ZBED4: variants seen among roughly 807,000 people sequenced by gnomAD.
ZBED4 encodes zinc finger BED domain-containing protein 4.
In ZBED4, 4 loss-of-function variants were observed where a neutral mutation model predicts 15.5. The ratio of observed to expected loss-of-function variants is 0.26; its 90% CI spans 0.13 to 0.59. ZBED4 has a LOEUF of 0.59. Among genes scored for constraint, ZBED4 ranks in the 20% least tolerant of loss-of-function variants. The pLI, the probability that ZBED4 is intolerant of heterozygous loss-of-function variation, is 0.90. For missense variants in ZBED4, 1,323 were observed against 1,461.8 expected (o/e 0.91, Z 1.55); for synonymous variants, 692 against 608.5 (o/e 1.14, Z -2.02).
At chr22:49,863,175 TTTGGTTGGTTGG>T (rs528529137) in intron 1 of ZBED4, among the ~76,000 whole-genome samples, 8 of 151,932 alleles carry the variant, frequency 5.3e-5, no homozygotes, top group African/African-American at 1.9e-4. Context: ...GTAGATTGTG[TTTGGTTGGTTGG>T]TTGGTTGGTT....
In ZBED4 at chr22:49,888,315, C is replaced by A. The variant is rs2060450935; in HGVS notation, c.*1137C>A. 1 of 166,764 alleles carries A rather than the reference C, an allele frequency of 6.0e-6. No homozygotes were observed. Among genetic ancestry groups the A allele is most frequent in the South Asian group, 2.1e-4 (1 of 4,828 alleles). The allele number at this position is 166,764 out of a possible 1,614,324, so 10.3% of individuals were successfully genotyped here. ...AGACTAATCACTCATTTGCCTACGA[C>A]CTTTTAGAAAAGTTGTTTTGTTGAA... On this transcript the variant is annotated 3_prime_UTR_variant, in exon 2 of 2. Coordinates refer to ENST00000216268, the MANE Select transcript of ZBED4 (RefSeq NM_014838.3).
chr22:49,889,967 G>C lies in ZBED4; in HGVS notation c.*2789G>C. The C allele has an allele frequency of 6.0e-6, 1 of 167,152 alleles. No individual in the cohort carries two copies. Among genetic ancestry groups the C allele is most frequent in the East Asian group, 1.9e-4 (1 of 5,192 alleles). The allele number at this position is 167,152 out of a possible 1,614,324, so 10.4% of individuals were successfully genotyped here. On this transcript the variant is annotated 3_prime_UTR_variant, in exon 2 of 2. Coordinates refer to ENST00000216268, the MANE Select transcript of ZBED4 (RefSeq NM_014838.3). Reference sequence around the variant, plus strand: ...AGCTCTTTGTATGAGCCTCAGAACTGTCTCTTCAGTGAATGAAATTACCAG... The same window carrying C: ...AGCTCTTTGTATGAGCCTCAGAACTCTCTCTTCAGTGAATGAAATTACCAG...
rs192144393 is a variant in ZBED4, at chr22:49,860,708, T to C, written c.-330+6719T>C. 4.4e-4 allele frequency among the ~76,000 whole-genome samples: 67 copies of C among 152,268 alleles called. No individual in the cohort carries two copies. In the East Asian group the frequency reaches 0.013, roughly 29 times the overall value. On this transcript the variant is annotated intron_variant, in intron 1 of 1. Transcript: ENST00000216268. ...TTTTTTACAAATTTTATGTACAAAA[T>C]AATTACCTGTTATAAAGGTCAGAAC...
chr22:49,887,083 A>T lies in ZBED4; in HGVS notation c.3421A>T (p.Asn1141Tyr). The change falls in exon 2 of 2, where the codon AAC becomes TAC. Residue 1141 changes from asparagine to tyrosine, a missense_variant. Asn to Tyr is a moderately radical substitution (Grantham distance 143). Coordinates refer to ENST00000216268, the MANE Select transcript of ZBED4 (RefSeq NM_014838.3). ...AAAGCTGTTCAACACACCCACTGAG[A>T]ACGGTAGCCTTGGCCAATCCAGGCT... ...SEKLFNTPTE[N>Y]GSLGQSRLMM... 1.9e-6 allele frequency: 3 copies of T among 1,614,216 alleles called. No homozygotes were observed. The highest frequency in any genetic ancestry group is 2.5e-6 in the Non-Finnish European group (3 of 1,180,040).
intron 1 of ZBED4, among the ~76,000 whole-genome samples, chr22:49,877,925 T>A (rs1036971657): frequency 1.3e-5 from 2 of 152,186 alleles, no homozygotes; most frequent in Non-Finnish European, 2.9e-5. Flanking sequence ...TATTGCTGCA[T>A]AATGATCCAT....
intron 1 of ZBED4, among the ~76,000 whole-genome samples, chr22:49,875,443 CGG>C (rs1299574880): frequency 7.0e-6 from 1 of 142,376 alleles, no homozygotes; most frequent in Non-Finnish European, 1.5e-5. Context: ...TTTTTTGAGA[CGG>C]AGTCTTGCTC....
At position 49,864,839 on chromosome 22, in the gene ZBED4, A is replaced by AAAAAAAAAG. The variant is rs1555922729; in HGVS notation, c.-330+10850_-330+10851insAAAAAAAAG. On this transcript the variant is annotated intron_variant, in intron 1 of 1. Coordinates refer to ENST00000216268, the MANE Select transcript of ZBED4 (RefSeq NM_014838.3). ...TGTCTCCAAAAAAAAAAAAAAAAAA[A>AAAAAAAAAG]GCCCTGATTAAACCGTCGTAGAGCT... 2.5e-3 allele frequency among the ~76,000 whole-genome samples: 339 copies of AAAAAAAAAG among 133,110 alleles called. 31 individuals are homozygous for AAAAAAAAAG. The highest frequency in any genetic ancestry group is 0.012 in the African/African-American group (317 of 27,340). The allele number at this position is 133,110 out of a possible 152,430, so 87.3% of individuals were successfully genotyped here.
At chr22:49,877,784 C>A (rs2060385379) in intron 1 of ZBED4, among the ~76,000 whole-genome samples, 1 of 152,090 alleles carries the variant, frequency 6.6e-6, no homozygotes, top group South Asian at 2.1e-4. Context: ...ACACACACAT[C>A]CCTCCTGACT....
At chr22:49,857,806 G>C (rs2060280768) in intron 1 of ZBED4, among the ~76,000 whole-genome samples, 1 of 152,196 alleles carries the variant, frequency 6.6e-6, no homozygotes. Flanking sequence ...ACCCAGGCTG[G>C]AGTGCAATGG....
chr22:49,882,138 C>T (rs1003638095), intron 1 of ZBED4, among the ~76,000 whole-genome samples: 2 of 152,212 alleles, frequency 1.3e-5, no homozygotes, highest in Admixed American at 6.5e-5. Flanking sequence ...TTCAGCTCCT[C>T]CCTGTGGGGG....
At chr22:49,858,456 T>A (rs2060283926) in intron 1 of ZBED4, among the ~76,000 whole-genome samples, 1 of 152,104 alleles carries the variant, frequency 6.6e-6, no homozygotes, top group Non-Finnish European at 1.5e-5. Flanking sequence ...TTGTTGAGAG[T>A]GCGTGTGCTC....
At chr22:49,871,636 G>T (rs1465901287) in intron 1 of ZBED4, among the ~76,000 whole-genome samples, 4 of 152,144 alleles carry the variant, frequency 2.6e-5, no homozygotes, top group African/African-American at 9.7e-5. Flanking sequence ...CATAATCTCA[G>T]CTGGGAGGAG....
rs199975068 is a variant in ZBED4 at position 49,886,826 on chromosome 22, C to T, written c.3164C>T (p.Ser1055Leu). 3.2e-5 allele frequency: 52 copies of T among 1,613,682 alleles called. No individual in the cohort carries two copies. Among genetic ancestry groups the T allele is most frequent in the Middle Eastern group, 3.3e-4 (2 of 6,060 alleles). ...CACAGGTGTGATGCTGGCTCCCCGT[C>T]GAAAGACTCTGCCGCAGAGGAGAAC... is the stretch of plus-strand genomic sequence containing the variant. ...ASHRCDAGSP[S>L]KDSAAEENLW... Residue 1055 changes from serine to leucine, a missense_variant, in exon 2 of 2, where the codon TCG (serine) becomes TTG (leucine). Ser to Leu is a moderately radical substitution (Grantham distance 145). Transcript: ENST00000216268. This position sits in a 1 kb window ranked among gnomAD's most constrained non-coding sequence, Gnocchi z 7.7.
At chr22:49,854,185 C>A (rs1389483800) in intron 1 of ZBED4, among the ~76,000 whole-genome samples, 196 bp downstream of exon 1, 1 of 146,544 alleles carries the variant, frequency 6.8e-6, no homozygotes, top group Non-Finnish European at 1.5e-5. Context: ...GCGCGGACCC[C>A]GGCCCTGACA....
Position 49,887,286 on chromosome 22 carries a change from G to T in ZBED4, c.*108G>T, listed in dbSNP as rs2060445608. On this transcript the variant is annotated 3_prime_UTR_variant, in exon 2 of 2. Transcript: ENST00000216268. Reference sequence around the variant, plus strand: ...ACGGCTGTGTACGACATCAGACCAGGCACTCTCAGGGCCGCTCTCCAGCTC... The same window carrying T: ...ACGGCTGTGTACGACATCAGACCAGTCACTCTCAGGGCCGCTCTCCAGCTC... 3 of 1,210,602 alleles carry T rather than the reference G, an allele frequency of 2.5e-6. No individual in the cohort carries two copies. The highest frequency in any genetic ancestry group is 4.9e-5 in the East Asian group (2 of 40,880). 75.0% of individuals were successfully genotyped at this position (1,210,602 alleles called of 1,614,324 possible).
Position 49,887,010 on chromosome 22 carries a change from G to A in ZBED4, c.3348G>A (p.Ala1116=), listed in dbSNP as rs755824308. 1.2e-5 allele frequency: 20 copies of A among 1,613,926 alleles called. No individual in the cohort carries two copies. The highest frequency in any genetic ancestry group is 2.2e-5 in the East Asian group (1 of 44,890). Residue 1116 remains alanine (A), a synonymous_variant, in exon 2 of 2, where the codon GCG becomes GCA. Coordinates refer to ENST00000216268, the MANE Select transcript of ZBED4 (RefSeq NM_014838.3). ...AGGCGTCCTGGCCGGGGCTGTCCGCGCTGGCCGTCAGATTTTTGGGCTGCC... is the reference window on the plus strand; with the variant it reads ...AGGCGTCCTGGCCGGGGCTGTCCGCACTGGCCGTCAGATTTTTGGGCTGCC... ...LKKASWPGLS[A]LAVRFLGCPP...
At position 49,881,500 on chromosome 22, in the gene ZBED4, C is replaced by T. The variant is rs569664609; in HGVS notation, c.-329-1834C>T. ...TTTTGGGTTCAAATCATCATGTCTC[C>T]TCAGCCTTCCAAGCAGCTGAGATAC... On this transcript the variant is annotated intron_variant, in intron 1 of 1. Coordinates refer to ENST00000216268, the MANE Select transcript of ZBED4 (RefSeq NM_014838.3). Among the ~76,000 whole-genome samples, 15 of 152,322 alleles carry T rather than the reference C, an allele frequency of 9.8e-5. No homozygotes were observed. The South Asian group carries it at 3.1e-3, about 32-fold the overall frequency.
chr22:49,865,041 G>A (rs1207319908), intron 1 of ZBED4, among the ~76,000 whole-genome samples: 3 of 147,970 alleles, frequency 2.0e-5, no homozygotes, highest in Non-Finnish European at 4.4e-5. Flanking sequence ...AGTGACGGCA[G>A]CCCCGGGTCT....
In ZBED4 at chr22:49,883,969, A is replaced by G; in HGVS notation, c.307A>G (p.Thr103Ala). The G allele has an allele frequency of 6.2e-7, 1 of 1,613,524 alleles. No homozygotes were observed. The highest frequency in any genetic ancestry group is 1.1e-5 in the South Asian group (1 of 91,058). The part of the protein sequence containing the change: ...TLYDVAMEAV[T>A]QSLLSSRNMS... Reference sequence around the variant, plus strand: ...ATACGACGTGGCCATGGAGGCCGTGACCCAGAGCCTCCTTTCCAGCCGGAA... The same window carrying G: ...ATACGACGTGGCCATGGAGGCCGTGGCCCAGAGCCTCCTTTCCAGCCGGAA... Residue 103 changes from threonine (T) to alanine (A), a missense_variant, in exon 2 of 2, where the codon ACC (threonine) becomes GCC (alanine). By Grantham distance (58) the Thr-to-Ala change is moderately conservative. Around this residue, in one of 6 missense-constraint regions of ZBED4, gnomAD observed 380 missense variants for 413.7 expected, o/e 0.92. Transcript: ENST00000216268.
Sources: allele counts gnomAD v4.1 joint callset (sites outside exome capture counted in the v4.1 genomes callset), GRCh38; gene constraint gnomAD v4.1.1; regional missense constraint gnomAD v4.1.1; non-coding constraint Gnocchi (gnomAD v3.1); transcripts MANE v1.5; gene names NCBI Gene and HGNC (gene_info 2026-07-23, HGNC 2026-07-21).